PTH2R: variants seen among roughly 807,000 people sequenced by gnomAD.
PTH2R encodes parathyroid hormone 2 receptor, also known as PTH2 receptor.
In PTH2R, 59 loss-of-function variants were observed where a neutral mutation model predicts 60.3. The observed-to-expected ratio is 0.98, with a 90% confidence interval of 0.79 to 1.22. The LOEUF (loss-of-function observed/expected upper bound fraction) is 1.22. Ranked by LOEUF, PTH2R falls within the 50% of genes most tolerant of loss-of-function variation. The probability of loss-of-function intolerance (pLI) is 0.00; values close to 1 mark genes in which losing one functional copy is unlikely to be tolerated. For missense variants in PTH2R, 749 were observed against 682.6 expected, an observed-to-expected ratio of 1.10 and a Z score of -1.08; for synonymous variants, 256 against 243.8, an observed-to-expected ratio of 1.05 and a Z score of -0.47.
chr2:208,455,201 TG>T (rs1186461736), intron 8 of PTH2R, among the ~76,000 whole-genome samples: 1 of 152,228 alleles, frequency 6.6e-6, no homozygotes, highest in Non-Finnish European at 1.5e-5. Flanking sequence ...ACCTGTTACT[TG>T]ATTTACATGG....
chr2:208,467,794 C>T (rs138305933), intron 9 of PTH2R, among the ~76,000 whole-genome samples: 36 of 152,124 alleles, frequency 2.4e-4, no homozygotes, highest in East Asian at 7.8e-4. Flanking sequence ...TAGGTCCTTG[C>T]GAAAGACATT....
intron 1 of PTH2R, among the ~76,000 whole-genome samples, chr2:208,424,354 G>A (rs1379625654): frequency 6.6e-6 from 1 of 152,190 alleles, no homozygotes; most frequent in Non-Finnish European, 1.5e-5. Flanking sequence ...TGTATAAGTG[G>A]TTAGCTGTCC....
At chr2:208,431,096 G>A (rs757600176) in intron 2 of PTH2R, among the ~76,000 whole-genome samples, 10 of 152,144 alleles carry the variant, frequency 6.6e-5, no homozygotes, top group Non-Finnish European at 1.0e-4. Context: ...TTTGTGTGTC[G>A]ATGTCTTATG....
intron 9 of PTH2R, among the ~76,000 whole-genome samples, chr2:208,463,537 G>C (rs1206694962): frequency 6.6e-6 from 1 of 152,098 alleles, no homozygotes. Context: ...ATCCCCTTTT[G>C]CCATCTAAAA....
chr2:208,412,057 C>G (rs1344195490), intron 1 of PTH2R, among the ~76,000 whole-genome samples: 6 of 152,124 alleles, frequency 3.9e-5, no homozygotes, highest in African/African-American at 1.4e-4. Context: ...TTTTGCGAGG[C>G]CATTTTCTCT....
chr2:208,395,635 AAAGG>A, intron 1 of PTH2R, among the ~76,000 whole-genome samples: 1 of 152,304 alleles, frequency 6.6e-6, no homozygotes, highest in South Asian at 2.1e-4. Context: ...CGAGGATAGA[AAAGG>A]AAGGAGAGTT....
At chr2:208,487,246 C>G (rs1703293651) in intron 10 of PTH2R, among the ~76,000 whole-genome samples, 1 of 152,112 alleles carries the variant, frequency 6.6e-6, no homozygotes, top group Non-Finnish European at 1.5e-5. Flanking sequence ...AAATCACACT[C>G]ACACAGGTAG....
chr2:208,416,529 G>T (rs1474928103), intron 1 of PTH2R, among the ~76,000 whole-genome samples: 1 of 152,200 alleles, frequency 6.6e-6, no homozygotes, highest in Non-Finnish European at 1.5e-5. Flanking sequence ...TGAGCTCAGG[G>T]TTAAAATGTT....
chr2:208,445,952 A>G (rs573393731), intron 7 of PTH2R, among the ~76,000 whole-genome samples: 2 of 152,290 alleles, frequency 1.3e-5, no homozygotes, highest in African/African-American at 4.8e-5. Context: ...TAAAAAAGAT[A>G]ATATTTTGCT....
At position 208,443,377 on chromosome 2, in the gene PTH2R, A is replaced by T. The variant is rs201013034; in HGVS notation, c.539A>T (p.His180Leu). 6.2e-7 allele frequency: 1 copy of T among 1,605,842 alleles called. No homozygotes were observed. Among genetic ancestry groups the T allele is most frequent in the East Asian group, 2.2e-5 (1 of 44,562 alleles). Residue 180 changes from histidine (H) to leucine (L), a missense_variant, in exon 6 of 13, where the codon CAC becomes CTC. By Grantham distance (99) the His-to-Leu change is moderately conservative. Coordinates refer to ENST00000272847, the MANE Select transcript of PTH2R (RefSeq NM_005048.4). ...TTGCATTGCACTAGGAACTATATCC[A>T]CATGCACTTATTTGTGTCTTTCATG... ...RRLHCTRNYI[H>L]MHLFVSFMLR...
chr2:208,454,884 G>A (rs1407488803), intron 8 of PTH2R, among the ~76,000 whole-genome samples: 1 of 151,770 alleles, frequency 6.6e-6, no homozygotes, highest in Non-Finnish European at 1.5e-5. Flanking sequence ...TGTCTGCTAT[G>A]CACTGAAAAA....
At position 208,407,079 on chromosome 2, in the gene PTH2R, T is replaced by C. The variant is rs1701429465; in HGVS notation, c.36T>C (p.Gly12=). ...TGGGGGCGTCGCTCCACGTCTGGGGTTGGCTAATGCTCGGCAGCTGCCTCC... is the reference window on the plus strand; with the variant it reads ...TGGGGGCGTCGCTCCACGTCTGGGGCTGGCTAATGCTCGGCAGCTGCCTCC... ...AGLGASLHVW[G]WLMLGSCLLA... The change falls in exon 1 of 13, where the codon GGT becomes GGC. Residue 12 remains glycine (G), a synonymous_variant. Coordinates refer to ENST00000272847, the MANE Select transcript of PTH2R (RefSeq NM_005048.4). 7.2e-7 allele frequency: 1 copy of C among 1,395,572 alleles called. No homozygotes were observed. The allele number at this position is 1,395,572 out of a possible 1,614,324, so 86.4% of individuals were successfully genotyped here.
intron 10 of PTH2R, among the ~76,000 whole-genome samples, chr2:208,488,451 A>G (rs1220122171): frequency 6.6e-6 from 1 of 152,224 alleles, no homozygotes; most frequent in Non-Finnish European, 1.5e-5. Flanking sequence ...AGTCTCAAAT[A>G]TAGAAGTTAA....
intron 8 of PTH2R, among the ~76,000 whole-genome samples, chr2:208,454,321 C>T (rs1008719931): frequency 4.6e-5 from 7 of 152,106 alleles, no homozygotes; most frequent in Non-Finnish European, 8.8e-5. Context: ...GCCCTAACCC[C>T]CAATGTGACT....
In PTH2R at chr2:208,416,079, T is replaced by A. The variant is rs184044093; in HGVS notation, c.75+8961T>A. On this transcript the variant is annotated intron_variant, in intron 1 of 12. Transcript: ENST00000272847. ...TAATATCAGTAACATTTGTTACTGATATTAATCAGTTGTTTATCTGAGGAG... is the reference window on the plus strand; with the variant it reads ...TAATATCAGTAACATTTGTTACTGAAATTAATCAGTTGTTTATCTGAGGAG... 4.2e-3 allele frequency among the ~76,000 whole-genome samples: 634 copies of A among 152,324 alleles called. 2 individuals carry two copies. The highest frequency in any genetic ancestry group is 5.6e-3 in the Non-Finnish European group (378 of 68,030).
chr2:208,388,222 C>T (rs765707516), intron 1 of PTH2R, among the ~76,000 whole-genome samples: 5 of 149,908 alleles, frequency 3.3e-5, no homozygotes, highest in Non-Finnish European at 5.9e-5. Context: ...GAGGCTGAGG[C>T]AGGAGAATGG....
intron 10 of PTH2R, among the ~76,000 whole-genome samples, chr2:208,484,679 G>A (rs919225776): frequency 2.6e-5 from 4 of 152,148 alleles, no homozygotes; most frequent in African/African-American, 9.7e-5. Flanking sequence ...CCCATTTAAT[G>A]TTAGACAAAA....
rs1702667109 is a variant in PTH2R, at chr2:208,463,185, A to T, written c.981+3224A>T. On this transcript the variant is annotated intron_variant, in intron 9 of 12. Transcript: ENST00000272847. Reference sequence around the variant, plus strand: ...TGGTCCCTTCTTCCTCCCCCATCTCATGTCATCTCATCTTCTCCCTCCTGC... The same window carrying T: ...TGGTCCCTTCTTCCTCCCCCATCTCTTGTCATCTCATCTTCTCCCTCCTGC... Among the ~76,000 whole-genome samples, 3 of 151,906 alleles carry T rather than the reference A, an allele frequency of 2.0e-5. No homozygotes were observed. In the South Asian group the frequency reaches 6.2e-4, roughly 32 times the overall value.
At chr2:208,467,154 G>T (rs1425918155) in intron 9 of PTH2R, among the ~76,000 whole-genome samples, 1 of 152,026 alleles carries the variant, frequency 6.6e-6, no homozygotes, top group East Asian at 1.9e-4. Context: ...GGGTTAATTG[G>T]TCATCCTGTA....
Sources: gnomAD v4.1 joint callset for allele counts (sites outside exome capture counted in the v4.1 genomes callset) on GRCh38, gnomAD v4.1.1 for gene constraint, MANE v1.5 for transcripts, NCBI Gene and HGNC (gene_info 2026-07-23, HGNC 2026-07-21) for gene names.